Variants in SERGEF observed in about 807,000 individuals in gnomAD.
The protein encoded by SERGEF is secretion regulating guanine nucleotide exchange factor, also known as secretion-regulating guanine nucleotide exchange factor.
Under a neutral mutation model 50.0 loss-of-function variants are expected in SERGEF, and 51 were observed. The observed-to-expected ratio is 1.02, with a 90% CI of 0.81 to 1.29. The LOEUF (loss-of-function observed/expected upper bound fraction) is 1.29, where lower values mean the gene tolerates loss of function less well. Ranked by LOEUF, SERGEF falls within the 50% of genes most tolerant of loss-of-function variation. The pLI is 0.00. For missense variants in SERGEF, 521 were observed against 557.0 expected, an observed-to-expected ratio of 0.94 and a Z score of 0.65; for synonymous variants, 205 against 212.4, an observed-to-expected ratio of 0.97 and a Z score of 0.30.
chr11:17,887,278 A>T (rs897471691), intron 9 of SERGEF, among the ~76,000 whole-genome samples: 1 of 152,178 alleles, frequency 6.6e-6, no homozygotes. Context: ...GCTAAAGTAC[A>T]ATACAGTCTT....
chr11:17,871,460 C>CAAA (rs59785475), intron 10 of SERGEF, among the ~76,000 whole-genome samples: 11 of 93,212 alleles, frequency 1.2e-4, no homozygotes, highest in South Asian at 3.6e-4. Flanking sequence ...GACTCCATCT[C>CAAA]AAAAAAAAAA....
chr11:17,946,664 C>G (rs955554739), intron 9 of SERGEF, among the ~76,000 whole-genome samples: 1 of 152,182 alleles, frequency 6.6e-6, no homozygotes, highest in Non-Finnish European at 1.5e-5. Context: ...GAAATTTCAC[C>G]TTGAGGGGTG....
At chr11:17,845,946 T>A (rs1218697996) in intron 10 of SERGEF, among the ~76,000 whole-genome samples, 1 of 152,190 alleles carries the variant, frequency 6.6e-6, no homozygotes, top group East Asian at 1.9e-4. Context: ...CTGGCCAGAT[T>A]TTTTTAAATG....
At chr11:17,910,813 CA>C (rs1565202232) in intron 9 of SERGEF, among the ~76,000 whole-genome samples, 1 of 150,968 alleles carries the variant, frequency 6.6e-6, no homozygotes, top group East Asian at 1.9e-4. Flanking sequence ...AAGGCAAAAC[CA>C]AAAATCTGGC....
intron 8 of SERGEF, among the ~76,000 whole-genome samples, chr11:17,972,050 C>T (rs1453958078): frequency 6.6e-6 from 1 of 152,228 alleles, no homozygotes; most frequent in Non-Finnish European, 1.5e-5. Context: ...GACTGAGTTG[C>T]TGCAATCTCA....
At chr11:17,806,949 C>T (rs1250729378) in intron 10 of SERGEF, among the ~76,000 whole-genome samples, 1 of 152,142 alleles carries the variant, frequency 6.6e-6, no homozygotes, top group Admixed American at 6.5e-5. Context: ...ATGCTGCCCC[C>T]ACCTCCCCTT....
At chr11:18,002,559 A>G (rs897299463) in intron 4 of SERGEF, among the ~76,000 whole-genome samples, 2 of 152,176 alleles carry the variant, frequency 1.3e-5, no homozygotes, top group African/African-American at 4.8e-5. Context: ...GCATCCTCCT[A>G]TCCCAAGACG....
At chr11:17,840,863 A>T (rs1158984883) in intron 10 of SERGEF, among the ~76,000 whole-genome samples, 8 of 152,208 alleles carry the variant, frequency 5.3e-5, no homozygotes, top group African/African-American at 1.9e-4. Flanking sequence ...CTGACTTGAC[A>T]TTGTGTCTAC....
intron 9 of SERGEF, among the ~76,000 whole-genome samples, chr11:17,946,633 A>C (rs1347031730): frequency 6.6e-6 from 1 of 152,336 alleles, no homozygotes; most frequent in Admixed American, 6.5e-5. Context: ...AACTGCTCCC[A>C]AAAGTCCCCA....
chr11:17,829,342 T>C (rs973991792), intron 10 of SERGEF, among the ~76,000 whole-genome samples: 4 of 152,250 alleles, frequency 2.6e-5, no homozygotes, highest in Non-Finnish European at 4.4e-5. Flanking sequence ...TCTTAGGTAG[T>C]ACCTGAGGTT....
At chr11:17,841,205 C>T (rs1223413237) in intron 10 of SERGEF, among the ~76,000 whole-genome samples, 1 of 152,176 alleles carries the variant, frequency 6.6e-6, no homozygotes, top group Non-Finnish European at 1.5e-5. Context: ...GCCATTGTGG[C>T]CTACCCTTGG....
chr11:17,978,113 T>G lies in SERGEF; in HGVS notation c.844+10484A>C, dbSNP rs1433923863. ...TACTTTATACAAGCCACTTAGCCTC[T>G]CTGAGCCTCAATCCTCACCTAGAAT... On this transcript the variant is annotated intron_variant, in intron 8 of 10. Transcript: ENST00000265965. Among the ~76,000 whole-genome samples, 10 of 152,170 alleles carry G rather than the reference T, an allele frequency of 6.6e-5. No homozygotes were observed. The East Asian group carries it at 1.9e-3, about 29-fold the overall frequency.
chr11:17,974,156 A>G (rs1590227278), intron 8 of SERGEF, among the ~76,000 whole-genome samples: 1 of 152,268 alleles, frequency 6.6e-6, no homozygotes, highest in East Asian at 1.9e-4. Context: ...TTTCCCTTCC[A>G]CATCTACTAA....
At chr11:17,916,972 T>A (rs1852059605) in intron 9 of SERGEF, among the ~76,000 whole-genome samples, 1 of 152,258 alleles carries the variant, frequency 6.6e-6, no homozygotes. Context: ...TTGGTGGGAA[T>A]GTAAACTAGT....
chr11:17,838,322 C>T (rs1850443940), intron 10 of SERGEF, among the ~76,000 whole-genome samples: 1 of 152,136 alleles, frequency 6.6e-6, no homozygotes, highest in South Asian at 2.1e-4. Flanking sequence ...ACTAAACAGG[C>T]GGTATCTGAC....
At chr11:17,963,395 AT>A (rs56008022) in intron 8 of SERGEF, among the ~76,000 whole-genome samples, 17,077 of 116,162 alleles carry the variant, frequency 0.15, 2,066 homozygotes, top group East Asian at 0.25. Context: ...AAAAAAAAAA[AT>A]TTTTTTTTTG....
intron 1 of SERGEF, 151 bp downstream of exon 1, chr11:18,012,786 CGCTCCTCCTCCGCT>C: frequency 1.0e-5 from 12 of 1,158,376 alleles, no homozygotes; most frequent in Non-Finnish European, 1.2e-5. Context: ...CCCGCCCGCC[CGCTCCTCCTCCGCT>C]CCCCCTCCGC....
At chr11:17,971,604 G>A (rs1048188015) in intron 8 of SERGEF, among the ~76,000 whole-genome samples, 6 of 152,212 alleles carry the variant, frequency 3.9e-5, no homozygotes, top group Non-Finnish European at 8.8e-5. Context: ...TTTTCAAAAT[G>A]TTACCGCTCA....
At chr11:17,895,963 A>AAT (rs1248245970) in intron 9 of SERGEF, among the ~76,000 whole-genome samples, 1 of 152,192 alleles carries the variant, frequency 6.6e-6, no homozygotes, top group African/African-American at 2.4e-5. Flanking sequence ...GCATCATAGG[A>AAT]ATATACCTTA....
Sources: gnomAD v4.1 joint callset for allele counts (sites outside exome capture counted in the v4.1 genomes callset) on GRCh38, gnomAD v4.1.1 for gene constraint, MANE v1.5 for transcripts, NCBI Gene and HGNC (gene_info 2026-07-23, HGNC 2026-07-21) for gene names.